Variants in PGAP1 observed in about 807,000 individuals in gnomAD.
The protein encoded by PGAP1 is GPI inositol-deacylase.
Under a neutral mutation model 127.0 loss-of-function variants are expected in PGAP1, and 76 were observed. That is an observed-to-expected ratio of 0.60 (90% CI 0.50 to 0.72). PGAP1 has a LOEUF of 0.72. Among genes scored for constraint, PGAP1 ranks in the 30% least tolerant of loss-of-function variants. PGAP1 has a pLI of 0.00. For synonymous variants in PGAP1, 362 were observed against 366.5 expected (o/e 0.99, Z 0.14); for missense variants, 982 against 1,071.3 (o/e 0.92, Z 1.16).
chr2:196,899,234 C>T (rs1024641458), intron 5 of PGAP1, among the ~76,000 whole-genome samples: 1 of 152,118 alleles, frequency 6.6e-6, no homozygotes, highest in Non-Finnish European at 1.5e-5. Flanking sequence ...AGACTAACAG[C>T]ATAGATGCAA....
intron 10 of PGAP1, among the ~76,000 whole-genome samples, chr2:196,889,292 G>A (rs189641515): frequency 6.6e-6 from 1 of 152,078 alleles, no homozygotes; most frequent in African/African-American, 2.4e-5. Context: ...AGAGATGCAA[G>A]TCTCTGTGAG....
intron 1 of PGAP1, among the ~76,000 whole-genome samples, chr2:196,924,420 A>C (rs1703305695): frequency 6.6e-6 from 1 of 152,208 alleles, no homozygotes; most frequent in South Asian, 2.1e-4. Flanking sequence ...GGTTCTCAAC[A>C]GAATGGCCTC....
intron 20 of PGAP1, among the ~76,000 whole-genome samples, chr2:196,863,289 A>C (rs886710436): frequency 9.2e-5 from 14 of 152,364 alleles, no homozygotes; most frequent in Non-Finnish European, 2.1e-4. Context: ...TGTAGCACTC[A>C]CTATTCACAA....
At position 196,885,476 on chromosome 2, in the gene PGAP1, C is replaced by A; in HGVS notation, c.1221-1G>T. ...CCATGATAAATCAACCCCTTGCAGG[C>A]TTTGAAATAAATATGAAAATATAAT... On this transcript the variant is annotated splice_acceptor_variant, in intron 11 of 26. Transcript: ENST00000354764. LOFTEE classifies it high-confidence loss of function. 6.3e-7 allele frequency: 1 copy of A among 1,589,830 alleles called. No homozygotes were observed. The highest frequency in any genetic ancestry group is 8.6e-7 in the Non-Finnish European group (1 of 1,164,930).
rs1700225162 is a variant in PGAP1, at chr2:196,835,932, A to G, written c.*5302T>C. 1 of 152,098 alleles carries G rather than the reference A, an allele frequency of 6.6e-6. No individual in the cohort carries two copies. Among genetic ancestry groups the G allele is most frequent in the Non-Finnish European group, 1.5e-5 (1 of 67,910 alleles). The allele number at this position is 152,098 out of a possible 1,614,324, so 9.4% of individuals were successfully genotyped here. A position where few individuals can be genotyped will look rare whatever the true frequency, so the allele number is the denominator to read the frequency against. ...CAGTTAATAGCTCTACGTGTTATCT[A>G]TAAACATTTTTTACTAGTAACATCA... On this transcript the variant is annotated 3_prime_UTR_variant, in exon 27 of 27. Transcript: ENST00000354764.
At chr2:196,917,047 G>A (rs577474272) in intron 2 of PGAP1, among the ~76,000 whole-genome samples, 48 of 152,090 alleles carry the variant, frequency 3.2e-4, no homozygotes, top group African/African-American at 8.0e-4. Flanking sequence ...ATCAGTAAGC[G>A]CTTTCATAAT....
chr2:196,866,992 G>A (rs1701265141), intron 19 of PGAP1, among the ~76,000 whole-genome samples: 1 of 152,076 alleles, frequency 6.6e-6, no homozygotes, highest in South Asian at 2.1e-4. Flanking sequence ...ACAATATGCT[G>A]GACAGGATGT....
intron 12 of PGAP1, among the ~76,000 whole-genome samples, chr2:196,882,494 T>C (rs1179764550): frequency 6.6e-6 from 1 of 152,238 alleles, no homozygotes. Flanking sequence ...ATGGAATGTT[T>C]ATCCATTTGT....
intron 5 of PGAP1, among the ~76,000 whole-genome samples, chr2:196,900,026 G>A (rs919513097): frequency 3.9e-5 from 6 of 152,170 alleles, no homozygotes; most frequent in African/African-American, 9.7e-5. Context: ...CAACAAGAGC[G>A]AAACTCCGTC....
At chr2:196,899,557 T>C (rs1288594858) in intron 5 of PGAP1, among the ~76,000 whole-genome samples, 1 of 152,240 alleles carries the variant, frequency 6.6e-6, no homozygotes, top group African/African-American at 2.4e-5. Context: ...AAGAATATAA[T>C]GCTGGTTTAC....
chr2:196,854,235 A>G (rs1700806344), intron 20 of PGAP1, among the ~76,000 whole-genome samples: 1 of 151,982 alleles, frequency 6.6e-6, no homozygotes, highest in South Asian at 2.1e-4. Context: ...CCTAGAATTA[A>G]TTTTCAGATT....
chr2:196,844,460 A>G (rs1301731585), intron 24 of PGAP1, 64 bp downstream of exon 24: 11 of 1,166,820 alleles, frequency 9.4e-6, no homozygotes, highest in African/African-American at 4.8e-5. Context: ...AAAAAAAAAA[A>G]CTCTTATATT....
At chr2:196,901,609 G>T (rs1702492905) in intron 5 of PGAP1, among the ~76,000 whole-genome samples, 1 of 152,116 alleles carries the variant, frequency 6.6e-6, no homozygotes, top group African/African-American at 2.4e-5. Context: ...AGACTTCAAG[G>T]TTAAATACAC....
rs1256755788 is a variant in PGAP1 at position 196,902,416 on chromosome 2, TTCTC to T, written c.807+165_807+168del. ...ATTCATATTCATTCATTCATTCATT[TTCTC>T]TCTTTCTCTCTTTCCCTCTCTCTCT... On this transcript the variant is annotated intron_variant, in intron 5 of 26. Transcript: ENST00000354764. Among the ~76,000 whole-genome samples the T allele has an allele frequency of 2.4e-5, 3 of 124,456 alleles. No individual in the cohort carries two copies. In the East Asian group the frequency reaches 6.2e-4, roughly 26 times the overall value. The allele number at this position is 124,456 out of a possible 152,430, so 81.6% of individuals were successfully genotyped here.
At chr2:196,885,389 C>A in intron 12 of PGAP1, 35 bp downstream of exon 12, 1 of 1,466,132 alleles carries the variant, frequency 6.8e-7, no homozygotes, top group Non-Finnish European at 9.4e-7. Context: ...GTATTTTTTT[C>A]AACTGAATAT....
chr2:196,922,638 TCC>T, intron 1 of PGAP1: 1 of 358,686 alleles, frequency 2.8e-6, no homozygotes, highest in Non-Finnish European at 3.8e-6. Context: ...GAGAGAGACA[TCC>T]TTTAAAATCT....
intron 13 of PGAP1, among the ~76,000 whole-genome samples, chr2:196,877,214 AT>A (rs769718918): frequency 4.1e-4 from 63 of 152,182 alleles, no homozygotes; most frequent in Middle Eastern, 3.4e-3. Flanking sequence ...GGGTTTAATT[AT>A]TTTGTTTTCT....
At chr2:196,892,992 G>T in intron 8 of PGAP1, 148 bp downstream of exon 8, 1 of 306,262 alleles carries the variant, frequency 3.3e-6, no homozygotes, top group East Asian at 5.4e-5. Context: ...CATCATCATA[G>T]GGAAATTAAT....
chr2:196,902,778 T>C (rs756182475), intron 4 of PGAP1, 36 bp from the exon 5 acceptor site: 1 of 1,504,202 alleles, frequency 6.6e-7, no homozygotes, highest in Admixed American at 1.9e-5. Flanking sequence ...TAAAAAACAG[T>C]AGCCATTCCC....
Sources: allele counts gnomAD v4.1 joint callset (sites outside exome capture counted in the v4.1 genomes callset), GRCh38; gene constraint gnomAD v4.1.1; transcripts MANE v1.5; gene names NCBI Gene and HGNC (gene_info 2026-07-23, HGNC 2026-07-21).